Variants in UST observed in about 807,000 individuals in gnomAD.
The protein encoded by UST is chondroitin sulfate 2-O-sulfotransferase.
UST carries 21 observed loss-of-function variants against 45.6 expected under a neutral mutation model. The observed-to-expected ratio is 0.46, with a 90% confidence interval of 0.33 to 0.66. UST has a LOEUF of 0.66. UST is among the 30% of genes least tolerant of loss of function. The pLI is 0.02. For missense variants in UST, 463 were observed against 512.4 expected, an observed-to-expected ratio of 0.90 and a Z score of 0.93; for synonymous variants, 215 against 200.6, an observed-to-expected ratio of 1.07 and a Z score of -0.61.
Position 148,878,685 on chromosome 6 carries a change from C to T in UST, c.248-8301C>T, listed in dbSNP as rs542303721. On this transcript the variant is annotated intron_variant, in intron 1 of 7. Coordinates refer to ENST00000367463, the MANE Select transcript of UST (RefSeq NM_005715.3). ...TAAGTGCGGGGGTCGTGTATGAGTGCGGGGGTCGTGTGTGAGTGCGGAGGT... is the reference window on the plus strand; with the variant it reads ...TAAGTGCGGGGGTCGTGTATGAGTGTGGGGGTCGTGTGTGAGTGCGGAGGT... Among the ~76,000 whole-genome samples the T allele has an allele frequency of 4.9e-4, 36 of 72,864 alleles. No homozygotes were observed. In the East Asian group the frequency reaches 9.0e-3, roughly 18 times the overall value. The allele number at this position is 72,864 out of a possible 152,430, so 47.8% of individuals were successfully genotyped here. A position where few individuals can be genotyped will look rare whatever the true frequency, so the allele number is the denominator to read the frequency against.
intron 7 of UST, among the ~76,000 whole-genome samples, chr6:149,067,343 G>T (rs1776746949): frequency 6.6e-6 from 1 of 152,208 alleles, no homozygotes; most frequent in Admixed American, 6.5e-5. Flanking sequence ...TCAGAGAACA[G>T]CTTCATCCAG....
chr6:148,946,793 G>A (rs1457441723), intron 3 of UST, among the ~76,000 whole-genome samples: 12 of 112,400 alleles, frequency 1.1e-4, no homozygotes, highest in Non-Finnish European at 1.3e-4. Flanking sequence ...TAGCCTGGGC[G>A]ACAGAGCGAG....
chr6:148,834,422 T>C (rs1324168824), intron 1 of UST, among the ~76,000 whole-genome samples: 2 of 149,164 alleles, frequency 1.3e-5, no homozygotes, highest in African/African-American at 4.8e-5. Context: ...CACTCATTCA[T>C]TTAGTCCTTG....
chr6:148,977,248 A>G (rs770411110), intron 5 of UST, among the ~76,000 whole-genome samples: 1 of 151,836 alleles, frequency 6.6e-6, no homozygotes, highest in Non-Finnish European at 1.5e-5. Context: ...ATATATTTAT[A>G]TATATACACA....
At position 149,042,900 on chromosome 6, in the gene UST, A is replaced by G. The variant is rs564604510; in HGVS notation, c.937+21419A>G. On this transcript the variant is annotated intron_variant, in intron 7 of 7. Coordinates refer to ENST00000367463, the MANE Select transcript of UST (RefSeq NM_005715.3). The stretch of plus-strand genomic sequence containing the variant: ...CTCCCAAAGTGCTAGGATTATAGAC[A>G]TGAGCCACCACACCTGGCCTTTCAG... Among the ~76,000 whole-genome samples, 196 of 152,174 alleles carry G rather than the reference A, an allele frequency of 1.3e-3. 2 individuals are homozygous for G. The highest frequency in any genetic ancestry group is 7.7e-3 in the South Asian group (37 of 4,816).
At chr6:148,926,350 C>T (rs1030393486) in intron 2 of UST, among the ~76,000 whole-genome samples, 14 of 152,128 alleles carry the variant, frequency 9.2e-5, no homozygotes, top group Non-Finnish European at 1.8e-4. Flanking sequence ...AGAGAAAGGC[C>T]TATATCAGAA....
chr6:148,931,749 G>A (rs1779925482), intron 2 of UST, among the ~76,000 whole-genome samples: 1 of 152,196 alleles, frequency 6.6e-6, no homozygotes, highest in African/African-American at 2.4e-5. Context: ...CATAACAGAT[G>A]TTCACGGGAA....
intron 5 of UST, among the ~76,000 whole-genome samples, chr6:149,000,239 C>T (rs1352902025): frequency 6.6e-6 from 1 of 152,170 alleles, no homozygotes; most frequent in Admixed American, 6.5e-5. Context: ...TTATAAGAGG[C>T]TAGAGATATA....
chr6:148,903,712 TTGCAGGTGACTCTAATA>T (rs1459473588), intron 2 of UST, among the ~76,000 whole-genome samples: 5 of 152,198 alleles, frequency 3.3e-5, no homozygotes, highest in East Asian at 1.9e-4. Context: ...AAATCTGAGT[TTGCAGGTGACTCTAATA>T]TGCAGGTGAC....
chr6:148,834,302 G>A (rs1215293956), intron 1 of UST, among the ~76,000 whole-genome samples: 2 of 152,098 alleles, frequency 1.3e-5, no homozygotes, highest in East Asian at 3.9e-4. Flanking sequence ...CATCTTACAG[G>A]AAAACCCTTA....
intron 1 of UST, among the ~76,000 whole-genome samples, chr6:148,828,576 A>G (rs556684534): frequency 1.3e-4 from 20 of 152,304 alleles, no homozygotes; most frequent in Admixed American, 6.5e-5. Flanking sequence ...CTCACTTTCT[A>G]GATTTATGTC....
In UST at chr6:148,993,669, G is replaced by A. The variant is rs925490059; in HGVS notation, c.682-25470G>A. The stretch of plus-strand genomic sequence containing the variant: ...TCATTGACGCAAATTTTTCATGAAT[G>A]GTTTAGCAGCGACTCCTTGGTGCTG... On this transcript the variant is annotated intron_variant, in intron 5 of 7. Transcript: ENST00000367463. Among the ~76,000 whole-genome samples, 10 of 152,306 alleles carry A rather than the reference G, an allele frequency of 6.6e-5. No homozygotes were observed. In the East Asian group the frequency reaches 9.7e-4, roughly 15 times the overall value.
intron 1 of UST, among the ~76,000 whole-genome samples, chr6:148,768,725 T>C (rs955863757): frequency 2.0e-5 from 3 of 152,260 alleles, no homozygotes; most frequent in Admixed American, 6.5e-5. Flanking sequence ...TTTTAAAACA[T>C]TAAAATGAAT....
intron 7 of UST, among the ~76,000 whole-genome samples, chr6:149,049,168 T>C (rs1287022821): frequency 6.6e-6 from 1 of 152,114 alleles, no homozygotes; most frequent in African/African-American, 2.4e-5. Context: ...CCCATTTCAA[T>C]GCTAGAAAAA....
At chr6:148,882,976 T>C (rs895142166) in intron 1 of UST, among the ~76,000 whole-genome samples, 1 of 152,240 alleles carries the variant, frequency 6.6e-6, no homozygotes, top group Non-Finnish European at 1.5e-5. Context: ...AGAGAACTAG[T>C]GCGGCCCACA....
intron 1 of UST, among the ~76,000 whole-genome samples, chr6:148,756,558 G>A (rs1293243334): frequency 2.6e-5 from 4 of 152,160 alleles, no homozygotes; most frequent in African/African-American, 9.7e-5. Context: ...ATTCATTTTT[G>A]TTGTCTCGCT....
At chr6:149,012,805 A>T (rs2500546) in intron 5 of UST, among the ~76,000 whole-genome samples, 35,315 of 123,504 alleles carry the variant, frequency 0.29, 4,155 homozygotes, top group Middle Eastern at 0.41. Flanking sequence ...GTCACTATTT[A>T]AAAAAAAAAA....
At chr6:148,910,128 GGGAT>G (rs1779443698) in intron 2 of UST, among the ~76,000 whole-genome samples, 1 of 143,914 alleles carries the variant, frequency 6.9e-6, no homozygotes. Context: ...AAGGTAGCCT[GGGAT>G]GCTTTTTTTT....
In UST at chr6:149,049,908, G is replaced by GTC. The variant is rs138243742; in HGVS notation, c.938-23902_938-23901dup. 5.7e-4 allele frequency among the ~76,000 whole-genome samples: 81 copies of GTC among 142,554 alleles called. No individual in the cohort carries two copies. The East Asian group carries it at 7.9e-3, about 14-fold the overall frequency. 93.5% of individuals were successfully genotyped at this position (142,554 alleles called of 152,430 possible). The stretch of plus-strand genomic sequence containing the variant: ...CAGTAGTTTTTTAAAAACTCACCTT[G>GTC]TCTCTCTCTCTCTCTCTCTCTCTCA... On this transcript the variant is annotated intron_variant, in intron 7 of 7. Coordinates refer to ENST00000367463, the MANE Select transcript of UST (RefSeq NM_005715.3).
Sources: gnomAD v4.1 joint callset for allele counts (sites outside exome capture counted in the v4.1 genomes callset) on GRCh38, gnomAD v4.1.1 for gene constraint, MANE v1.5 for transcripts, NCBI Gene and HGNC (gene_info 2026-07-23, HGNC 2026-07-21) for gene names.